MIPOL1: variants seen among roughly 807,000 people sequenced by gnomAD.
MIPOL1 encodes the protein mirror-image polydactyly gene 1 protein.
Under a neutral mutation model 60.9 loss-of-function variants are expected in MIPOL1, and 57 were observed. The ratio of observed to expected loss-of-function variants is 0.94; its 90% CI spans 0.76 to 1.17. The LOEUF is 1.17. Among genes scored for constraint, MIPOL1 ranks in the 50% most tolerant of loss-of-function variants. The pLI, the probability that MIPOL1 is intolerant of heterozygous loss-of-function variation, is 0.00. For synonymous variants in MIPOL1, 179 were observed against 168.8 expected, an observed-to-expected ratio of 1.06 and a Z score of -0.47; for missense variants, 551 against 511.6, an observed-to-expected ratio of 1.08 and a Z score of -0.74.
intron 9 of MIPOL1, among the ~76,000 whole-genome samples, chr14:37,348,160 T>C (rs1056633228): frequency 2.0e-5 from 3 of 152,196 alleles, no homozygotes; most frequent in Admixed American, 6.5e-5. Context: ...AGTGAGAATA[T>C]GTGGTATTTG....
Position 37,422,932 on chromosome 14 carries a change from C to A in MIPOL1, c.1014C>A (p.Thr338=), listed in dbSNP as rs760997914. 1 of 1,603,330 alleles carries A rather than the reference C, an allele frequency of 6.2e-7. No individual in the cohort carries two copies. The change falls in exon 11 of 13, where the codon ACC becomes ACA. Residue 338 remains threonine (T), a synonymous_variant. Transcript: ENST00000684589. ...AAAAACTGGAAGAGGAAATCCAGAC[C>A]CTTCGAGTTTACTACAGGTAAAATT... ...QYKKLEEEIQ[T]LRVYYSLHKS...
rs929461763 is a variant in MIPOL1 at position 37,243,587 on chromosome 14, A to T, written c.-198-3516A>T. On this transcript the variant is annotated intron_variant, in intron 1 of 12. Coordinates refer to ENST00000684589, the MANE Select transcript of MIPOL1 (RefSeq NM_001388067.1). ...AAATGATCTCTAGTTTGATACTTGG[A>T]TTCAATTTACACAAATTTGTGATTA... Among the ~76,000 whole-genome samples the T allele has an allele frequency of 2.6e-5, 4 of 152,318 alleles. No individual in the cohort carries two copies. In the South Asian group the frequency reaches 6.2e-4, roughly 24 times the overall value.
At chr14:37,240,878 A>T (rs936232648) in intron 1 of MIPOL1, among the ~76,000 whole-genome samples, 1 of 151,848 alleles carries the variant, frequency 6.6e-6, no homozygotes, top group African/African-American at 2.4e-5. Context: ...ATTTCCTCTT[A>T]ATTTGATGTC....
At chr14:37,491,327 A>G (rs2095044717) in intron 11 of MIPOL1, among the ~76,000 whole-genome samples, 1 of 152,186 alleles carries the variant, frequency 6.6e-6, no homozygotes, top group Non-Finnish European at 1.5e-5. Flanking sequence ...TCAGGAGATC[A>G]AGATCATCTT....
chr14:37,500,494 A>G lies in MIPOL1; in HGVS notation c.1262+356A>G, dbSNP rs572901647. Among the ~76,000 whole-genome samples, 7 of 152,280 alleles carry G rather than the reference A, an allele frequency of 4.6e-5. 1 individual carries two copies. The highest frequency in any genetic ancestry group is 9.6e-5 in the African/African-American group (4 of 41,562). The stretch of plus-strand genomic sequence containing the variant: ...CCACCTGAACTAATTTAGCTTTACA[A>G]TAATCCTGCTTGAGTTGAGATCATC... On this transcript the variant is annotated intron_variant, in intron 12 of 12. Transcript: ENST00000684589.
chr14:37,476,764 C>T (rs904838408), intron 11 of MIPOL1, among the ~76,000 whole-genome samples: 1 of 151,966 alleles, frequency 6.6e-6, no homozygotes, highest in Non-Finnish European at 1.5e-5. Context: ...GGTTTGCATA[C>T]CTGGAATAAG....
intron 1 of MIPOL1, among the ~76,000 whole-genome samples, chr14:37,246,525 G>C (rs1180547160): frequency 1.3e-5 from 2 of 152,010 alleles, no homozygotes; most frequent in Non-Finnish European, 2.9e-5. Flanking sequence ...TCCCTTAAAT[G>C]CCCAGGAGAG....
chr14:37,254,379 A>C (rs544783990), intron 3 of MIPOL1, among the ~76,000 whole-genome samples: 1 of 151,936 alleles, frequency 6.6e-6, no homozygotes, highest in South Asian at 2.1e-4. Context: ...AACCCTTTTA[A>C]GATTCATAAT....
At chr14:37,321,458 T>C (rs1836351739) in intron 9 of MIPOL1, among the ~76,000 whole-genome samples, 1 of 152,010 alleles carries the variant, frequency 6.6e-6, no homozygotes, top group South Asian at 2.1e-4. Context: ...AAATATAAGC[T>C]ATACTATTTC....
At chr14:37,492,398 A>G (rs1297279420) in intron 11 of MIPOL1, among the ~76,000 whole-genome samples, 3 of 152,258 alleles carry the variant, frequency 2.0e-5, no homozygotes, top group Non-Finnish European at 4.4e-5. Context: ...CTCCCAATTC[A>G]TGAAAAACCT....
chr14:37,294,030 C>T (rs2085362854), intron 7 of MIPOL1, among the ~76,000 whole-genome samples: 2 of 152,302 alleles, frequency 1.3e-5, no homozygotes, highest in South Asian at 4.1e-4. Flanking sequence ...GTCCCTGACC[C>T]CCGAGTAGCC....
chr14:37,310,902 C>A (rs1287461605), intron 9 of MIPOL1, among the ~76,000 whole-genome samples: 1 of 152,104 alleles, frequency 6.6e-6, no homozygotes, highest in African/African-American at 2.4e-5. Flanking sequence ...ACTTAAAGAC[C>A]TGTAGAAGTT....
intron 1 of MIPOL1, among the ~76,000 whole-genome samples, chr14:37,214,733 A>G (rs1594497231): frequency 6.6e-6 from 1 of 152,296 alleles, no homozygotes; most frequent in Non-Finnish European, 1.5e-5. Flanking sequence ...GCCCTCTGTC[A>G]CGCCTGGACA....
chr14:37,466,659 A>G (rs1262809113), intron 11 of MIPOL1, among the ~76,000 whole-genome samples: 1 of 152,210 alleles, frequency 6.6e-6, no homozygotes, highest in Non-Finnish European at 1.5e-5. Context: ...CTTTTCGCTG[A>G]AGATGACCTG....
intron 11 of MIPOL1, among the ~76,000 whole-genome samples, chr14:37,486,800 A>G (rs1380736813): frequency 6.6e-6 from 1 of 152,098 alleles, no homozygotes; most frequent in Non-Finnish European, 1.5e-5. Flanking sequence ...CTCTCTTCTT[A>G]TTGAATACTC....
At chr14:37,481,697 G>A (rs1003241966) in intron 11 of MIPOL1, among the ~76,000 whole-genome samples, 1 of 151,290 alleles carries the variant, frequency 6.6e-6, no homozygotes, top group Non-Finnish European at 1.5e-5. Context: ...ATACAACAGA[G>A]CTGTAGCAAT....
chr14:37,369,391 T>C, intron 9 of MIPOL1, 126 bp from the exon 10 acceptor site: 1 of 415,470 alleles, frequency 2.4e-6, no homozygotes, highest in South Asian at 3.9e-5. Flanking sequence ...TACTTACCAT[T>C]CTTGTTGCAA....
intron 9 of MIPOL1, among the ~76,000 whole-genome samples, chr14:37,350,235 C>T (rs1396002309): frequency 2.0e-5 from 3 of 152,070 alleles, no homozygotes; most frequent in Non-Finnish European, 4.4e-5. Context: ...CCATGCCTGA[C>T]AAATTCTTTA....
chr14:37,407,681 T>C (rs953571205), intron 10 of MIPOL1, among the ~76,000 whole-genome samples: 2 of 151,998 alleles, frequency 1.3e-5, no homozygotes, highest in Non-Finnish European at 2.9e-5. Context: ...GAGACCATTG[T>C]TTAGACAGGA....
Sources: allele counts gnomAD v4.1 joint callset (sites outside exome capture counted in the v4.1 genomes callset), GRCh38; gene constraint gnomAD v4.1.1; transcripts MANE v1.5; gene names NCBI Gene and HGNC (gene_info 2026-07-23, HGNC 2026-07-21).